MYOCD: variants seen among roughly 807,000 people sequenced by gnomAD.
MYOCD encodes myocardin.
In MYOCD, 32 loss-of-function variants were observed where a neutral mutation model predicts 96.1. The observed-to-expected ratio is 0.33, with a 90% CI of 0.25 to 0.45. The LOEUF (loss-of-function observed/expected upper bound fraction) is 0.45, where lower values mean the gene tolerates loss of function less well. Ranked by LOEUF, MYOCD falls within the 20% of genes least tolerant of loss-of-function variation. The pLI, the probability that MYOCD is intolerant of heterozygous loss-of-function variation, is 1.00. For missense variants in MYOCD, 1,133 were observed against 1,200.6 expected (o/e 0.94, Z 0.83); for synonymous variants, 469 against 469.0 (o/e 1.00, Z 0.00).
intron 1 of MYOCD, among the ~76,000 whole-genome samples, chr17:12,673,868 G>A (rs1042345677): frequency 1.3e-5 from 2 of 152,152 alleles, no homozygotes; most frequent in Non-Finnish European, 2.9e-5. Flanking sequence ...GTAACCTTGG[G>A]TACTTACCCA....
chr17:12,702,242 G>A (rs1021889449), intron 1 of MYOCD, among the ~76,000 whole-genome samples: 7 of 151,896 alleles, frequency 4.6e-5, no homozygotes, highest in East Asian at 1.9e-4. Flanking sequence ...ATGCATATCC[G>A]TTTATAATTG....
intron 1 of MYOCD, among the ~76,000 whole-genome samples, chr17:12,681,705 A>G (rs1281271998): frequency 6.6e-6 from 1 of 152,162 alleles, no homozygotes; most frequent in Non-Finnish European, 1.5e-5. Flanking sequence ...ACCTGGTCTC[A>G]GCCCCCGCTG....
chr17:12,676,440 G>T (rs1254420257), intron 1 of MYOCD, among the ~76,000 whole-genome samples: 1 of 152,116 alleles, frequency 6.6e-6, no homozygotes, highest in Non-Finnish European at 1.5e-5. Flanking sequence ...TTCCCAAAAT[G>T]ATTAGCTCTG....
At position 12,765,248 on chromosome 17, in the gene MYOCD, G is replaced by T. The variant is rs2033306338; in HGVS notation, c.*1604G>T. On this transcript the variant is annotated 3_prime_UTR_variant, in exon 14 of 14. Coordinates refer to ENST00000425538, the MANE Select transcript of MYOCD (RefSeq NM_001146312.3). Reference sequence around the variant, plus strand: ...CCATTTTATATTGTTGCATGCTGTAGAAAGGAGCTATTGCTGTTGTTTTGT... The same window carrying T: ...CCATTTTATATTGTTGCATGCTGTATAAAGGAGCTATTGCTGTTGTTTTGT... 1 of 151,498 alleles carries T rather than the reference G, an allele frequency of 6.6e-6. No homozygotes were observed. The highest frequency in any genetic ancestry group is 2.4e-5 in the African/African-American group (1 of 41,198). The allele number at this position is 151,498 out of a possible 1,614,324, so 9.4% of individuals were successfully genotyped here.
chr17:12,741,705 G>GTA (rs58461646), intron 7 of MYOCD, among the ~76,000 whole-genome samples: 18 of 147,048 alleles, frequency 1.2e-4, no homozygotes, highest in East Asian at 6.1e-4. Context: ...GCGAGACTCT[G>GTA]TATATATATA....
At chr17:12,707,462 T>C (rs1399212554) in intron 2 of MYOCD, among the ~76,000 whole-genome samples, 1 of 151,634 alleles carries the variant, frequency 6.6e-6, no homozygotes, top group Non-Finnish European at 1.5e-5. Flanking sequence ...TCCCAGCACT[T>C]TGGGAGGCAG....
At chr17:12,732,088 C>T (rs1476540425) in intron 5 of MYOCD, among the ~76,000 whole-genome samples, 7 of 152,220 alleles carry the variant, frequency 4.6e-5, no homozygotes, top group Admixed American at 1.3e-4. Flanking sequence ...TTTTAGATAC[C>T]GGAGAGGAGT....
intron 5 of MYOCD, among the ~76,000 whole-genome samples, chr17:12,728,566 G>A (rs745386040): frequency 9.2e-5 from 14 of 152,090 alleles, no homozygotes; most frequent in Non-Finnish European, 2.9e-5. Flanking sequence ...CGCAACCTCT[G>A]TCTCCCGGGT....
chr17:12,757,060 T>A (rs928119646), intron 11 of MYOCD, among the ~76,000 whole-genome samples: 2 of 152,108 alleles, frequency 1.3e-5, no homozygotes, highest in Non-Finnish European at 2.9e-5. Context: ...AAGATTGGGA[T>A]CAGGGTGTGT....
At chr17:12,739,142 A>G in intron 6 of MYOCD, 61 bp from the exon 7 acceptor site, 1 of 1,545,834 alleles carries the variant, frequency 6.5e-7, no homozygotes, top group East Asian at 2.3e-5. Flanking sequence ...GGACTCTAAC[A>G]TTTCTGTGTC....
intron 1 of MYOCD, among the ~76,000 whole-genome samples, chr17:12,677,216 C>A (rs1910116544): frequency 6.6e-6 from 1 of 151,932 alleles, no homozygotes; most frequent in Non-Finnish European, 1.5e-5. Flanking sequence ...ACACATGGAC[C>A]CATAGAGGGG....
At chr17:12,721,968 ACTT>A (rs1403685704) in intron 4 of MYOCD, among the ~76,000 whole-genome samples, 1 of 152,118 alleles carries the variant, frequency 6.6e-6, no homozygotes, top group Non-Finnish European at 1.5e-5. Context: ...ACATCCCTAG[ACTT>A]CTTCTGTATG....
At chr17:12,710,107 C>A (rs1459781728) in intron 2 of MYOCD, among the ~76,000 whole-genome samples, 6 of 152,136 alleles carry the variant, frequency 3.9e-5, no homozygotes, top group African/African-American at 1.4e-4. Flanking sequence ...CAAACCACCC[C>A]CATTTAATCA....
chr17:12,755,822 A>G (rs2032996344), intron 10 of MYOCD, among the ~76,000 whole-genome samples: 1 of 152,216 alleles, frequency 6.6e-6, no homozygotes, highest in Admixed American at 6.5e-5. Context: ...CAGTGAGCCG[A>G]GATCGCACCA....
At chr17:12,705,400 G>T (rs1446616311) in intron 2 of MYOCD, 3 of 455,540 alleles carry the variant, frequency 6.6e-6, no homozygotes, top group South Asian at 5.1e-5. Flanking sequence ...TAATGATACT[G>T]GTTATGCCTA....
intron 1 of MYOCD, 133 bp from the exon 2 acceptor site, chr17:12,704,995 A>G: frequency 3.1e-6 from 2 of 653,470 alleles, no homozygotes; most frequent in Non-Finnish European, 5.4e-6. Flanking sequence ...TACAACAGAA[A>G]TTAAAATGTA....
chr17:12,721,877 G>A (rs1042069824), intron 4 of MYOCD, among the ~76,000 whole-genome samples: 9 of 152,148 alleles, frequency 5.9e-5, no homozygotes, highest in African/African-American at 1.7e-4. Flanking sequence ...TCTTTGGTTT[G>A]GAGTATTGAC....
rs200110314 is a variant in MYOCD at position 12,756,180 on chromosome 17, TC to T, written c.2059-232del. 5.8e-3 allele frequency among the ~76,000 whole-genome samples: 883 copies of T among 152,228 alleles called. 8 individuals are homozygous for T. The highest frequency in any genetic ancestry group is 0.02 in the African/African-American group (835 of 41,534). On this transcript the variant is annotated intron_variant, in intron 10 of 13. Transcript: ENST00000425538. ...CAAAGTGTAGAGTCTTGAACACCCATCCGGTTTGAAAGCGGAAATCCTATGA... is the reference window on the plus strand; with the variant it reads ...CAAAGTGTAGAGTCTTGAACACCCATCGGTTTGAAAGCGGAAATCCTATGA...
At chr17:12,677,602 C>G (rs891879349) in intron 1 of MYOCD, among the ~76,000 whole-genome samples, 3 of 151,352 alleles carry the variant, frequency 2.0e-5, no homozygotes, top group African/African-American at 7.3e-5. Flanking sequence ...GTCCCAGCTA[C>G]TAGGGAAGCT....
Sources: allele counts gnomAD v4.1 joint callset (sites outside exome capture counted in the v4.1 genomes callset), GRCh38; gene constraint gnomAD v4.1.1; transcripts MANE v1.5; gene names NCBI Gene and HGNC (gene_info 2026-07-23, HGNC 2026-07-21).